NTM: variants seen among roughly 807,000 people sequenced by gnomAD.
The protein encoded by NTM is neurotrimin.
Under a neutral mutation model 42.1 loss-of-function variants are expected in NTM, and 13 were observed. The observed-to-expected ratio is 0.31, with a 90% CI of 0.20 to 0.49. NTM has a LOEUF of 0.49. Ranked by LOEUF, NTM falls within the 20% of genes least tolerant of loss-of-function variation. The probability of loss-of-function intolerance (pLI) is 0.99; values close to 1 mark genes in which losing one functional copy is unlikely to be tolerated. For synonymous variants in NTM, 187 were observed against 179.2 expected (o/e 1.04, Z -0.35); for missense variants, 373 against 452.8 (o/e 0.82, Z 1.60).
At chr11:132,048,225 C>T (rs953754127) in intron 2 of NTM, among the ~76,000 whole-genome samples, 9 of 152,094 alleles carry the variant, frequency 5.9e-5, no homozygotes, top group South Asian at 2.1e-4. Flanking sequence ...TGTGAAGGAA[C>T]GCATTGTTAG....
chr11:131,890,936 GCACGT>G (rs1337144756), intron 1 of NTM, among the ~76,000 whole-genome samples: 2 of 152,138 alleles, frequency 1.3e-5, no homozygotes, highest in Non-Finnish European at 2.9e-5. Context: ...TTCTGGGCAA[GCACGT>G]CCCTGATTTC....
intron 2 of NTM, among the ~76,000 whole-genome samples, chr11:132,030,200 T>G (rs1489588949): frequency 6.6e-6 from 1 of 152,156 alleles, no homozygotes; most frequent in African/African-American, 2.4e-5. Context: ...CCTAGCTTAG[T>G]TACCCCTCTC....
intron 2 of NTM, among the ~76,000 whole-genome samples, chr11:132,098,771 G>A (rs984294344): frequency 6.6e-6 from 1 of 152,218 alleles, no homozygotes; most frequent in African/African-American, 2.4e-5. Context: ...CCCAACCTGG[G>A]GTTGATAGCT....
At chr11:131,579,846 A>T (rs2058246145) in intron 1 of NTM, among the ~76,000 whole-genome samples, 1 of 152,240 alleles carries the variant, frequency 6.6e-6, no homozygotes, top group Non-Finnish European at 1.5e-5. Flanking sequence ...ACCTTTCCCC[A>T]ACATGGCATT....
chr11:131,525,268 G>A lies in NTM; in HGVS notation c.82+154380G>A, dbSNP rs542757230. 2.0e-5 allele frequency among the ~76,000 whole-genome samples: 3 copies of A among 152,176 alleles called. 1 individual carries two copies. In the South Asian group the frequency reaches 6.2e-4, roughly 32 times the overall value. On this transcript the variant is annotated intron_variant, in intron 1 of 8. Transcript: ENST00000683400. ...CAATCTCTCTCTGAAGTGGGACGTG[G>A]GTGCTGACCCCGGTGCCCATCACAG...
chr11:131,408,237 G>A (rs908243294), intron 1 of NTM, among the ~76,000 whole-genome samples: 1 of 152,270 alleles, frequency 6.6e-6, no homozygotes, highest in Admixed American at 6.5e-5. Flanking sequence ...CAAAACGCCT[G>A]TCTTCTCTTG....
intron 1 of NTM, among the ~76,000 whole-genome samples, chr11:131,840,383 G>A (rs933548889): frequency 7.2e-5 from 11 of 152,166 alleles, no homozygotes; most frequent in African/African-American, 2.7e-4. Flanking sequence ...TGTGAGGAAG[G>A]CACATCATGG....
chr11:131,569,444 C>T (rs1414206082), intron 1 of NTM, among the ~76,000 whole-genome samples: 1 of 152,138 alleles, frequency 6.6e-6, no homozygotes, highest in Admixed American at 6.5e-5. Context: ...CTGTGCCTGG[C>T]CCCTAATCTG....
chr11:132,153,827 A>T (rs1228803476), intron 3 of NTM, among the ~76,000 whole-genome samples: 2 of 152,208 alleles, frequency 1.3e-5, no homozygotes, highest in African/African-American at 4.8e-5. Flanking sequence ...CACTATACTA[A>T]CAAATATCTG....
At chr11:131,985,026 A>G (rs1322569671) in intron 2 of NTM, among the ~76,000 whole-genome samples, 1 of 152,094 alleles carries the variant, frequency 6.6e-6, no homozygotes, top group African/African-American at 2.4e-5. Flanking sequence ...TGAGATCCAG[A>G]CTGAGTTGGT....
intron 4 of NTM, among the ~76,000 whole-genome samples, chr11:132,238,418 C>T (rs2089509284): frequency 6.6e-6 from 1 of 152,108 alleles, no homozygotes; most frequent in Non-Finnish European, 1.5e-5. Flanking sequence ...CACATGCCTC[C>T]CCTCTCTAAG....
chr11:131,869,079 C>T (rs537822847), intron 1 of NTM, among the ~76,000 whole-genome samples: 15 of 148,402 alleles, frequency 1.0e-4, no homozygotes, highest in African/African-American at 3.2e-4. Flanking sequence ...AGCATGACCA[C>T]GTGCAATCAC....
intron 1 of NTM, among the ~76,000 whole-genome samples, chr11:131,893,712 G>C (rs1341360420): frequency 6.6e-6 from 1 of 152,216 alleles, no homozygotes; most frequent in East Asian, 1.9e-4. Context: ...TGCTTAAAAA[G>C]TGAGGGCATC....
chr11:131,743,791 A>G (rs1473030092), intron 1 of NTM, among the ~76,000 whole-genome samples: 1 of 152,228 alleles, frequency 6.6e-6, no homozygotes, highest in Non-Finnish European at 1.5e-5. Flanking sequence ...TCAGCATAAT[A>G]CAGACAAACT....
chr11:132,103,592 A>C (rs191921370), intron 2 of NTM, among the ~76,000 whole-genome samples: 19 of 152,306 alleles, frequency 1.2e-4, no homozygotes, highest in Non-Finnish European at 2.5e-4. Context: ...GGCAGGTGAC[A>C]ACAAGGAGGG....
intron 2 of NTM, among the ~76,000 whole-genome samples, chr11:131,936,635 A>G (rs1490336223): frequency 6.6e-6 from 1 of 152,228 alleles, no homozygotes; most frequent in Non-Finnish European, 1.5e-5. Flanking sequence ...CTCCAAAGCT[A>G]TTGAAATAAA....
intron 1 of NTM, among the ~76,000 whole-genome samples, chr11:131,488,680 C>T (rs934776665): frequency 7.2e-5 from 11 of 152,152 alleles, no homozygotes; most frequent in African/African-American, 2.4e-4. Flanking sequence ...TATAGCAATT[C>T]ATGCCCTTCT....
chr11:131,405,994 T>C (rs987831853), intron 1 of NTM, among the ~76,000 whole-genome samples: 3 of 152,214 alleles, frequency 2.0e-5, no homozygotes, highest in African/African-American at 7.2e-5. Flanking sequence ...TTTCACCCTA[T>C]TTACTTGCAC....
At chr11:131,412,539 C>G (rs893445724) in intron 1 of NTM, among the ~76,000 whole-genome samples, 2 of 152,178 alleles carry the variant, frequency 1.3e-5, no homozygotes, top group African/African-American at 4.8e-5. Flanking sequence ...GTCCTCCTCT[C>G]TCCTCCCCAC....
Sources: gnomAD v4.1 joint callset for allele counts (sites outside exome capture counted in the v4.1 genomes callset) on GRCh38, gnomAD v4.1.1 for gene constraint, MANE v1.5 for transcripts, NCBI Gene and HGNC (gene_info 2026-07-23, HGNC 2026-07-21) for gene names.